Variants in CCDC57 observed in about 807,000 individuals in gnomAD.
CCDC57 encodes the protein coiled-coil domain-containing protein 57.
A neutral mutation model predicts 118.9 loss-of-function variants in CCDC57; 118 were observed. The ratio of observed to expected loss-of-function variants is 0.99; its 90% CI spans 0.86 to 1.16. The LOEUF (loss-of-function observed/expected upper bound fraction) is 1.16. CCDC57 is among the 50% of genes most tolerant of loss of function. CCDC57 has a pLI of 0.00. For synonymous variants in CCDC57, 527 were observed against 532.9 expected (o/e 0.99, Z 0.15); for missense variants, 1,300 against 1,320.7 (o/e 0.98, Z 0.24).
At chr17:82,108,163 G>C (rs1007513146) in intron 19 of CCDC57, among the ~76,000 whole-genome samples, 4 of 152,248 alleles carry the variant, frequency 2.6e-5, no homozygotes, top group Non-Finnish European at 2.9e-5. Flanking sequence ...CGCAGTCCTT[G>C]ACTCTGGAGC....
At chr17:82,191,743 T>C (rs897856766) in intron 7 of CCDC57, among the ~76,000 whole-genome samples, 2 of 152,170 alleles carry the variant, frequency 1.3e-5, no homozygotes, top group African/African-American at 2.4e-5. Flanking sequence ...CTCGGCTCAC[T>C]ACAGGCTCCA....
intron 19 of CCDC57, among the ~76,000 whole-genome samples, chr17:82,114,729 T>C (rs1182473064): frequency 2.0e-5 from 3 of 152,204 alleles, no homozygotes; most frequent in Non-Finnish European, 4.4e-5. Flanking sequence ...GTGGTCCCAC[T>C]GGAGCCCACC....
chr17:82,128,660 G>T, intron 17 of CCDC57, 63 bp from the exon 17 acceptor site: 2 of 1,293,746 alleles, frequency 1.5e-6, no homozygotes, highest in Non-Finnish European at 2.2e-6. Flanking sequence ...GCATGTCAGT[G>T]AGTTTTCCCA....
At chr17:82,201,751 T>C in exon 3 of CCDC57, 1 of 1,613,976 alleles carries the variant, frequency 6.2e-7, no homozygotes. Flanking sequence ...GTCCCGCTCC[T>C]CCAGCACCTG....
chr17:82,186,605 T>C (rs987729840), intron 8 of CCDC57, among the ~76,000 whole-genome samples: 1 of 152,150 alleles, frequency 6.6e-6, no homozygotes, highest in Admixed American at 6.5e-5. Flanking sequence ...CCTGGTACTG[T>C]GTAGTTCTAA....
chr17:82,209,148 A>G (rs1474443642), intron 1 of CCDC57, among the ~76,000 whole-genome samples: 1 of 152,196 alleles, frequency 6.6e-6, no homozygotes, highest in Non-Finnish European at 1.5e-5. Flanking sequence ...AACTGAAATA[A>G]GAGAGATGGG....
chr17:82,195,387 T>A (rs765361385), intron 4 of CCDC57, 23 bp from the exon 4 acceptor site: 2 of 1,560,802 alleles, frequency 1.3e-6, no homozygotes, highest in South Asian at 2.4e-5. Flanking sequence ...GGTTTCATGA[T>A]GAAAGAACAG....
chr17:82,203,810 G>C (rs1568490211), intron 2 of CCDC57, among the ~76,000 whole-genome samples: 2 of 152,210 alleles, frequency 1.3e-5, no homozygotes, highest in Non-Finnish European at 2.9e-5. Context: ...CTTCCGGCCT[G>C]GTGGGACATG....
intron 16 of CCDC57, among the ~76,000 whole-genome samples, chr17:82,149,596 G>A (rs763535424): frequency 5.3e-5 from 8 of 152,120 alleles, no homozygotes; most frequent in Non-Finnish European, 5.9e-5. Context: ...CAGAGCGCCC[G>A]CAGCTAAGAT....
In CCDC57 at chr17:82,160,840, C is replaced by T. The variant is rs571746787; in HGVS notation, c.2040+2360G>A. On this transcript the variant is annotated intron_variant, in intron 14 of 19. Transcript: ENST00000665763. ...AGTCAGCCGAGATCACGCCATTGCA[C>T]TCCAGCCTGGGCGACACAGCAAGAC... Among the ~76,000 whole-genome samples, 213 of 130,450 alleles carry T rather than the reference C, an allele frequency of 1.6e-3. 6 individuals carry two copies. The South Asian group carries it at 0.052, about 32-fold the overall frequency. 85.6% of individuals were successfully genotyped at this position (130,450 alleles called of 152,430 possible). A position where few individuals can be genotyped will look rare whatever the true frequency, so the allele number is the denominator to read the frequency against.
At chr17:82,125,379 T>TTG (rs1246170544) in intron 19 of CCDC57, among the ~76,000 whole-genome samples, 7 of 83,054 alleles carry the variant, frequency 8.4e-5, no homozygotes, top group Non-Finnish European at 2.0e-4. Context: ...CTCTACTAAA[T>TTG]TTTTTTTTTT....
At chr17:82,136,679 C>T (rs1436491709) in intron 16 of CCDC57, among the ~76,000 whole-genome samples, 2 of 151,814 alleles carry the variant, frequency 1.3e-5, no homozygotes, top group African/African-American at 4.8e-5. Context: ...CTCACTGCAG[C>T]CTCCACCTCC....
intron 17 of CCDC57, among the ~76,000 whole-genome samples, chr17:82,129,280 C>G (rs74001549): frequency 2.2e-4 from 33 of 152,132 alleles, no homozygotes; most frequent in Admixed American, 7.9e-4. Context: ...ATGTCTCCCC[C>G]CTTCTGGAGG....
At chr17:82,132,353 C>T (rs969311938) in intron 17 of CCDC57, among the ~76,000 whole-genome samples, 3 of 152,028 alleles carry the variant, frequency 2.0e-5, no homozygotes, top group Non-Finnish European at 4.4e-5. Context: ...GACAGATCCA[C>T]AGTCTACAAA....
At chr17:82,127,833 C>A in exon 19 of CCDC57, 1 of 1,610,690 alleles carries the variant, frequency 6.2e-7, no homozygotes, top group Non-Finnish European at 8.5e-7. Flanking sequence ...TGCTGGGGAG[C>A]CTGGGGTGGC....
In CCDC57 at chr17:82,120,651, G is replaced by A. The variant is rs564771078; in HGVS notation, c.2899+7041C>T. On this transcript the variant is annotated intron_variant, in intron 19 of 19. Transcript: ENST00000665763. ...CACAAGGAAAGCATCAAGATACTTCGCAGATCATTAAACAACTCAACTGCA... is the reference window on the plus strand; with the variant it reads ...CACAAGGAAAGCATCAAGATACTTCACAGATCATTAAACAACTCAACTGCA... Among the ~76,000 whole-genome samples the A allele has an allele frequency of 5.3e-5, 8 of 152,316 alleles. No homozygotes were observed. The South Asian group carries it at 1.0e-3, about 20-fold the overall frequency.
intron 19 of CCDC57, chr17:82,113,432 G>C: frequency 1.4e-6 from 1 of 717,668 alleles, no homozygotes; most frequent in South Asian, 1.5e-5. Flanking sequence ...AGCAGGTAGT[G>C]AGAAACAAGA....
chr17:82,133,937 C>T, intron 17 of CCDC57, 136 bp downstream of exon 16: 1 of 867,504 alleles, frequency 1.2e-6, no homozygotes, highest in Non-Finnish European at 1.6e-6. Context: ...TGAAATGTTA[C>T]TAATAACTAT....
chr17:82,211,011 A>AAAG (rs2050147437), intron 1 of CCDC57, among the ~76,000 whole-genome samples: 1 of 15,238 alleles, frequency 6.6e-5, no homozygotes, highest in African/African-American at 2.0e-4. Context: ...AAAAAAAAAG[A>AAAG]AAAAAAAAAA....
Sources: gnomAD v4.1 joint callset for allele counts (sites outside exome capture counted in the v4.1 genomes callset) on GRCh38, gnomAD v4.1.1 for gene constraint, MANE v1.5 for transcripts, NCBI Gene and HGNC (gene_info 2026-07-23, HGNC 2026-07-21) for gene names.